The following PRKCE variants were observed in gnomAD, a reference collection of about 807,000 sequenced individuals.
The protein encoded by PRKCE is protein kinase C epsilon.
A neutral mutation model predicts 85.4 loss-of-function variants in PRKCE; 16 were observed. The ratio of observed to expected loss-of-function variants is 0.19; its 90% CI spans 0.13 to 0.28. The LOEUF (loss-of-function observed/expected upper bound fraction) is 0.28, where lower values mean the gene tolerates loss of function less well. Among genes scored for constraint, PRKCE ranks in the 10% least tolerant of loss-of-function variants. PRKCE has a pLI of 1.00. For missense variants in PRKCE, 573 were observed against 975.2 expected, an observed-to-expected ratio of 0.59 and a Z score of 5.49; for synonymous variants, 388 against 371.5, an observed-to-expected ratio of 1.04 and a Z score of -0.51.
intron 10 of PRKCE, among the ~76,000 whole-genome samples, chr2:46,060,989 C>T (rs1301797716): frequency 1.3e-5 from 2 of 151,784 alleles, no homozygotes; most frequent in African/African-American, 4.8e-5. Context: ...CTTGAACTCC[C>T]GACCTCAAGT....
chr2:45,693,111 G>A (rs1011633448), intron 1 of PRKCE, among the ~76,000 whole-genome samples: 3 of 152,126 alleles, frequency 2.0e-5, no homozygotes, highest in East Asian at 1.9e-4. Flanking sequence ...TGAGGAGTGC[G>A]GGGTAGGGGA....
intron 10 of PRKCE, chr2:46,010,788 T>G: frequency 6.3e-7 from 1 of 1,592,872 alleles, no homozygotes; most frequent in Non-Finnish European, 8.5e-7. Context: ...ACTCACTGTT[T>G]GCTCATTGGA....
chr2:45,909,429 A>G (rs1409839348), intron 2 of PRKCE, among the ~76,000 whole-genome samples: 2 of 152,214 alleles, frequency 1.3e-5, no homozygotes, highest in Non-Finnish European at 2.9e-5. Flanking sequence ...CCCAAACATT[A>G]TGATTCCATT....
At chr2:46,129,394 G>A (rs1173946463) in intron 11 of PRKCE, among the ~76,000 whole-genome samples, 2 of 152,136 alleles carry the variant, frequency 1.3e-5, no homozygotes, top group Non-Finnish European at 1.5e-5. Flanking sequence ...CAGCATGTAC[G>A]TTCACAGCAC....
At chr2:45,761,348 A>T (rs990045128) in intron 1 of PRKCE, among the ~76,000 whole-genome samples, 1 of 151,340 alleles carries the variant, frequency 6.6e-6, no homozygotes, top group African/African-American at 2.4e-5. Context: ...AAAAAAAAAA[A>T]AATCTAAGTA....
At chr2:45,968,564 A>C (rs930523786) in intron 2 of PRKCE, among the ~76,000 whole-genome samples, 2 of 152,240 alleles carry the variant, frequency 1.3e-5, no homozygotes, top group African/African-American at 4.8e-5. Context: ...CTAAAATCTT[A>C]GACTTCGCTA....
chr2:45,743,351 C>T (rs1018160482), intron 1 of PRKCE, among the ~76,000 whole-genome samples: 1 of 152,166 alleles, frequency 6.6e-6, no homozygotes, highest in Admixed American at 6.5e-5. Flanking sequence ...TATATCAAAA[C>T]ATCGCGGTGT....
chr2:46,045,769 C>G lies in PRKCE; in HGVS notation c.1437+35252C>G, dbSNP rs1277376035. 2.6e-5 allele frequency among the ~76,000 whole-genome samples: 4 copies of G among 152,180 alleles called. No homozygotes were observed. In the East Asian group the frequency reaches 7.7e-4, roughly 29 times the overall value. ...TGGCACATGCCTGTAATCCCAGCTG[C>G]TTGGGAGGCTGAGGCACAAGAATCA... On this transcript the variant is annotated intron_variant, in intron 10 of 14. Coordinates refer to ENST00000306156, the MANE Select transcript of PRKCE (RefSeq NM_005400.3).
chr2:46,082,825 C>T (rs1010190004), intron 10 of PRKCE, among the ~76,000 whole-genome samples: 2 of 152,314 alleles, frequency 1.3e-5, no homozygotes, highest in African/African-American at 4.8e-5. Flanking sequence ...TGAAGACTTA[C>T]GATAATAACT....
intron 2 of PRKCE, among the ~76,000 whole-genome samples, chr2:45,876,442 A>C (rs1694486271): frequency 6.6e-6 from 1 of 152,152 alleles, no homozygotes; most frequent in Non-Finnish European, 1.5e-5. Context: ...AGCTCTTTGT[A>C]TTTGTGTTTA....
chr2:45,771,041 G>A (rs987069088), intron 1 of PRKCE, among the ~76,000 whole-genome samples: 3 of 152,116 alleles, frequency 2.0e-5, no homozygotes, highest in Admixed American at 6.5e-5. Flanking sequence ...TTTCATTCCT[G>A]GGTTGACTAA....
intron 1 of PRKCE, among the ~76,000 whole-genome samples, chr2:45,756,362 G>A (rs940875468): frequency 6.6e-6 from 1 of 152,170 alleles, no homozygotes; most frequent in African/African-American, 2.4e-5. Context: ...GGATTAGAGA[G>A]GATGGGAAAG....
intron 8 of PRKCE, among the ~76,000 whole-genome samples, chr2:46,006,902 G>A (rs746284931): frequency 2.0e-5 from 3 of 152,200 alleles, no homozygotes; most frequent in Admixed American, 1.3e-4. Flanking sequence ...ATAACCTTGT[G>A]TAAGATGGGT....
At position 45,786,823 on chromosome 2, in the gene PRKCE, A is replaced by G. The variant is rs1349125885; in HGVS notation, c.349-56177A>G. ...TCACCCCCGTTTTACAGAGGTGGAAACCGAGGGTTTAGACAGCTGAAGTAA... is the reference window on the plus strand; with the variant it reads ...TCACCCCCGTTTTACAGAGGTGGAAGCCGAGGGTTTAGACAGCTGAAGTAA... On this transcript the variant is annotated intron_variant, in intron 1 of 14. Transcript: ENST00000306156. The surrounding 1 kb of genome is among the most constrained non-coding windows in gnomAD (Gnocchi z 5.3). Among the ~76,000 whole-genome samples the G allele has an allele frequency of 6.6e-6, 1 of 152,182 alleles. No individual in the cohort carries two copies. Among genetic ancestry groups the G allele is most frequent in the African/African-American group, 2.4e-5 (1 of 41,442 alleles).
intron 1 of PRKCE, among the ~76,000 whole-genome samples, chr2:45,752,260 C>A (rs1002317959): frequency 6.6e-6 from 1 of 152,186 alleles, no homozygotes; most frequent in African/African-American, 2.4e-5. Context: ...ATCGTTATCC[C>A]CATTTTACAG....
At chr2:46,009,385 G>A (rs1705470869) in intron 9 of PRKCE, among the ~76,000 whole-genome samples, 1 of 152,182 alleles carries the variant, frequency 6.6e-6, no homozygotes, top group Admixed American at 6.5e-5. Context: ...TTAGACAAAG[G>A]AGACGTGAAT....
intron 1 of PRKCE, among the ~76,000 whole-genome samples, chr2:45,744,487 T>C (rs190118414): frequency 5.2e-3 from 161 of 31,048 alleles, no homozygotes; most frequent in African/African-American, 0.017. Flanking sequence ...CTTTCTTTCT[T>C]TTTCTTTCTT....
intron 2 of PRKCE, among the ~76,000 whole-genome samples, chr2:45,854,883 G>T (rs933611966): frequency 6.6e-6 from 1 of 152,122 alleles, no homozygotes; most frequent in Non-Finnish European, 1.5e-5. Context: ...GGATGACAAG[G>T]GTTACAAGGA....
intron 1 of PRKCE, among the ~76,000 whole-genome samples, chr2:45,822,348 G>T (rs1426008180): frequency 6.6e-6 from 1 of 152,254 alleles, no homozygotes; most frequent in African/African-American, 2.4e-5. Context: ...AGTGCTGTGG[G>T]CTCTTGGGAG....
Sources: allele counts gnomAD v4.1 joint callset (sites outside exome capture counted in the v4.1 genomes callset), GRCh38; gene constraint gnomAD v4.1.1; non-coding constraint Gnocchi (gnomAD v3.1); transcripts MANE v1.5; gene names NCBI Gene and HGNC (gene_info 2026-07-23, HGNC 2026-07-21).